Variants in SLC9A3 observed in about 807,000 individuals in gnomAD.
The protein encoded by SLC9A3 is solute carrier family 9 member A3.
Under a neutral mutation model 86.8 loss-of-function variants are expected in SLC9A3, and 37 were observed. The observed-to-expected ratio is 0.43, with a 90% CI of 0.33 to 0.56. The LOEUF (loss-of-function observed/expected upper bound fraction) is 0.56. Ranked by LOEUF, SLC9A3 falls within the 20% of genes least tolerant of loss-of-function variation. SLC9A3 has a pLI of 0.06. For missense variants in SLC9A3, 1,011 were observed against 1,171.9 expected (o/e 0.86, Z 2.00); for synonymous variants, 581 against 528.3 (o/e 1.10, Z -1.37).
intron 3 of SLC9A3, among the ~76,000 whole-genome samples, chr5:487,636 G>A (rs2126625140): frequency 6.6e-6 from 1 of 152,316 alleles, no homozygotes; most frequent in East Asian, 1.9e-4. Context: ...GGCAGATTAC[G>A]TGGTTCCTAT....
intron 1 of SLC9A3, among the ~76,000 whole-genome samples, chr5:522,361 AGGCGGGGC>A (rs1733907698): frequency 1.3e-5 from 2 of 152,238 alleles, no homozygotes; most frequent in Non-Finnish European, 2.9e-5. Flanking sequence ...GCCGGCTCCC[AGGCGGGGC>A]TGGCTGGTGC....
rs1051351735 is a variant in SLC9A3 at position 504,899 on chromosome 5, C to T, written c.212-12828G>A. 3.4e-5 allele frequency among the ~76,000 whole-genome samples: 5 copies of T among 148,778 alleles called. 1 individual carries two copies. Among genetic ancestry groups the T allele is most frequent in the South Asian group, 4.2e-4 (2 of 4,760 alleles). On this transcript the variant is annotated intron_variant, in intron 1 of 16. Coordinates refer to ENST00000264938, the MANE Select transcript of SLC9A3 (RefSeq NM_004174.4). The stretch of plus-strand genomic sequence containing the variant: ...CGGCTAGCAAAGTGGCTCCCAGACC[C>T]GGACGCCTGTGCCTGGAAGAGCAGC...
At position 473,382 on chromosome 5, in the gene SLC9A3, C is replaced by G. The variant is rs1245240527; in HGVS notation, c.2502G>C (p.Met834Ile). 4 of 1,412,664 alleles carry G rather than the reference C, an allele frequency of 2.8e-6. No homozygotes were observed. Among genetic ancestry groups the G allele is most frequent in the South Asian group, 1.5e-5 (1 of 68,332 alleles). 87.5% of individuals were successfully genotyped at this position (1,412,664 alleles called of 1,614,324 possible). Residue 834 changes from methionine to isoleucine, a missense_variant and splice_region_variant, in exon 17 of 17, where the codon ATG becomes ATC. Met to Ile is a conservative substitution (Grantham distance 10). Around this residue, in one of 3 missense-constraint regions of SLC9A3, gnomAD observed 397 missense variants for 346.3 expected, o/e 1.15. Coordinates refer to ENST00000264938, the MANE Select transcript of SLC9A3 (RefSeq NM_004174.4). The stretch of plus-strand genomic sequence containing the variant: ...TAGCGGCGTGTCGGAGCCGGTGTCA[C>G]CTGCGGGAGAGGAAGGCGTGAGCGG... ...PPAALPESTH[M>I]
At chr5:522,739 CAAAAAAAAAA>C (rs397960621) in intron 1 of SLC9A3, among the ~76,000 whole-genome samples, 2 of 98,140 alleles carry the variant, frequency 2.0e-5, no homozygotes, top group Admixed American at 1.1e-4. Context: ...AATTCTATCT[CAAAAAAAAAA>C]AAAAAAGAAA....
At chr5:493,129 A>AG (rs1553997354) in intron 1 of SLC9A3, among the ~76,000 whole-genome samples, 3 of 151,280 alleles carry the variant, frequency 2.0e-5, no homozygotes, top group Non-Finnish European at 3.0e-5. Context: ...AAAAAAAAAA[A>AG]GGTGATGAGA....
In SLC9A3 at chr5:488,347, C is replaced by A. The variant is rs1313005323; in HGVS notation, c.644G>T (p.Gly215Val). Reference protein sequence around the residue: ...VNEVLFIIVFGESLLNDAVTV... With the variant: ...VNEVLFIIVFVESLLNDAVTV... Reference sequence around the variant, plus strand: ...GACTGCGTCGTTCAGCAGCGACTCCCCGAAGACGATGATGAACAGGACCTC... The same window carrying A: ...GACTGCGTCGTTCAGCAGCGACTCCACGAAGACGATGATGAACAGGACCTC... Residue 215 changes from glycine (G) to valine (V), a missense_variant, in exon 3 of 17, where the codon GGG (glycine) becomes GTG (valine). By Grantham distance (109) the Gly-to-Val change is moderately radical. Transcript: ENST00000264938. 6.2e-7 allele frequency: 1 copy of A among 1,612,728 alleles called. No homozygotes were observed. The highest frequency in any genetic ancestry group is 8.5e-7 in the Non-Finnish European group (1 of 1,179,876).
chr5:500,929 G>T (rs921779559), intron 1 of SLC9A3, among the ~76,000 whole-genome samples: 1 of 91,120 alleles, frequency 1.1e-5, no homozygotes, highest in Admixed American at 1.2e-4. Context: ...GACACGGGCC[G>T]GTGTGGACAG....
chr5:513,987 G>A (rs901827019), intron 1 of SLC9A3, among the ~76,000 whole-genome samples: 12 of 152,230 alleles, frequency 7.9e-5, no homozygotes, highest in African/African-American at 2.9e-4. Context: ...AGCCAGTTCC[G>A]CCTGAAGAGA....
At chr5:507,183 T>TG (rs1553999277) in intron 1 of SLC9A3, among the ~76,000 whole-genome samples, 3 of 88,978 alleles carry the variant, frequency 3.4e-5, no homozygotes, top group African/African-American at 1.6e-4. Context: ...TTTTTTTTTT[T>TG]TTTGAGACGG....
In SLC9A3 at chr5:496,807, T is replaced by C. The variant is rs1387611933; in HGVS notation, c.212-4736A>G. 4.6e-5 allele frequency among the ~76,000 whole-genome samples: 7 copies of C among 152,112 alleles called. No individual in the cohort carries two copies. The highest frequency in any genetic ancestry group is 1.0e-4 in the Non-Finnish European group (7 of 68,024). ...ACACCTGTAATCCCAATACAACAGT[T>C]TGGGAGGCCAAGGCAGGTGGATCCC... On this transcript the variant is annotated intron_variant, in intron 1 of 16. Coordinates refer to ENST00000264938, the MANE Select transcript of SLC9A3 (RefSeq NM_004174.4). The surrounding 1 kb of genome is among the most constrained non-coding windows in gnomAD (Gnocchi z 4.7).
chr5:477,159 G>A (rs773073627), intron 11 of SLC9A3, 173 bp downstream of exon 11: 1 of 567,354 alleles, frequency 1.8e-6, no homozygotes, highest in Non-Finnish European at 3.2e-6. Flanking sequence ...AGGGAGTCTG[G>A]CCACGGCCTA....
At chr5:512,124 C>G (rs965555966) in intron 1 of SLC9A3, among the ~76,000 whole-genome samples, 22 of 152,182 alleles carry the variant, frequency 1.4e-4, no homozygotes, top group Non-Finnish European at 2.5e-4. Flanking sequence ...GATGAACAGG[C>G]AGAGCACAGA....
Position 508,293 on chromosome 5 carries a change from T to A in SLC9A3, c.211+15819A>T, listed in dbSNP as rs1197910140. On this transcript the variant is annotated intron_variant, in intron 1 of 16. Transcript: ENST00000264938. ...GCCCATAGTGTGCCCGGGATGGAGA[T>A]GCCGCAGGGAGACGCAGCCCACAGT... Among the ~76,000 whole-genome samples the A allele has an allele frequency of 2.8e-5, 4 of 143,804 alleles. No individual in the cohort carries two copies. In the Admixed American group the frequency reaches 2.8e-4, roughly 10 times the overall value. The allele number at this position is 143,804 out of a possible 152,430, so 94.3% of individuals were successfully genotyped here.
Position 473,260 on chromosome 5 carries a change from G to GGC in SLC9A3, c.*118_*119insGC. On this transcript the variant is annotated 3_prime_UTR_variant, in exon 17 of 17. Coordinates refer to ENST00000264938, the MANE Select transcript of SLC9A3 (RefSeq NM_004174.4). ...GCTGGCGTGGGCGAGGCGGGGCTCG[G>GGC]GGCTCGCGGTCGCTGTAGCCGCGCG... The GGC allele has an allele frequency of 9.0e-7, 1 of 1,116,310 alleles. No homozygotes were observed. Among genetic ancestry groups the GGC allele is most frequent in the African/African-American group, 1.7e-5 (1 of 57,936 alleles). 69.2% of individuals were successfully genotyped at this position (1,116,310 alleles called of 1,614,324 possible). A position where few individuals can be genotyped will look rare whatever the true frequency, so the allele number is the denominator to read the frequency against.
At chr5:507,058 CAG>C (rs911916089) in intron 1 of SLC9A3, among the ~76,000 whole-genome samples, 35 of 140,938 alleles carry the variant, frequency 2.5e-4, no homozygotes, top group African/African-American at 8.5e-4. Context: ...GCCTGGGAGA[CAG>C]AGTGATACTG....
intron 2 of SLC9A3, among the ~76,000 whole-genome samples, chr5:489,211 C>T (rs1739611545): frequency 6.6e-6 from 1 of 152,328 alleles, no homozygotes; most frequent in Non-Finnish European, 1.5e-5. Context: ...TCTGCCCTCT[C>T]TCACGGCCGC....
rs547085142 is a variant in SLC9A3 at position 496,714 on chromosome 5, T to G, written c.212-4643A>C. Reference sequence around the variant, plus strand: ...AGCCATTCCTGCTCATGTTTCCTGCTAAATTTTTTAGCAGGAAAAATAAAG... The same window carrying G: ...AGCCATTCCTGCTCATGTTTCCTGCGAAATTTTTTAGCAGGAAAAATAAAG... On this transcript the variant is annotated intron_variant, in intron 1 of 16. Transcript: ENST00000264938. The surrounding 1 kb of genome is among the most constrained non-coding windows in gnomAD (Gnocchi z 4.7). Among the ~76,000 whole-genome samples, 17 of 152,330 alleles carry G rather than the reference T, an allele frequency of 1.1e-4. No homozygotes were observed. The highest frequency in any genetic ancestry group is 4.1e-4 in the African/African-American group (17 of 41,582).
Position 497,472 on chromosome 5 carries a change from G to A in SLC9A3, c.212-5401C>T, listed in dbSNP as rs1740075147. 1.3e-5 allele frequency among the ~76,000 whole-genome samples: 2 copies of A among 152,204 alleles called. No individual in the cohort carries two copies. The highest frequency in any genetic ancestry group is 4.8e-5 in the African/African-American group (2 of 41,442). ...GTCTGGGCACCGGGACTGCTGTGAAGGACACAGTCAGCCGGACTTTGCTTA... is the reference window on the plus strand; with the variant it reads ...GTCTGGGCACCGGGACTGCTGTGAAAGACACAGTCAGCCGGACTTTGCTTA... On this transcript the variant is annotated intron_variant, in intron 1 of 16. Coordinates refer to ENST00000264938, the MANE Select transcript of SLC9A3 (RefSeq NM_004174.4). The surrounding 1 kb of genome is among the most constrained non-coding windows in gnomAD (Gnocchi z 5.4).
chr5:500,957 G>A (rs923693703), intron 1 of SLC9A3, among the ~76,000 whole-genome samples: 6 of 151,710 alleles, frequency 4.0e-5, no homozygotes, highest in South Asian at 2.1e-4. Flanking sequence ...CCCTGAGTCC[G>A]CCTGCCACAG....
Sources: gnomAD v4.1 joint callset for allele counts (sites outside exome capture counted in the v4.1 genomes callset) on GRCh38, gnomAD v4.1.1 for gene constraint, gnomAD v4.1.1 regional missense constraint, Gnocchi (gnomAD v3.1) non-coding constraint, MANE v1.5 for transcripts, NCBI Gene and HGNC (gene_info 2026-07-23, HGNC 2026-07-21) for gene names.